Variants in MYH11 observed in about 807,000 individuals in gnomAD.
MYH11 encodes myosin-11.
Under a neutral mutation model 246.6 loss-of-function variants are expected in MYH11, and 80 were observed. The ratio of observed to expected loss-of-function variants is 0.32; its 90% CI spans 0.27 to 0.39. The LOEUF (loss-of-function observed/expected upper bound fraction) is 0.39. Ranked by LOEUF, MYH11 falls within the 10% of genes least tolerant of loss-of-function variation. The pLI is 1.00. For missense variants in MYH11, 2,158 were observed against 2,546.8 expected (o/e 0.85, Z 3.29); for synonymous variants, 1,071 against 1,015.5 (o/e 1.05, Z -1.04).
At chr16:15,769,618 G>A (rs2151289309) in intron 9 of MYH11, among the ~76,000 whole-genome samples, 1 of 152,256 alleles carries the variant, frequency 6.6e-6, no homozygotes, top group South Asian at 2.1e-4. Flanking sequence ...TTGTAGAGAA[G>A]GGATCTTGCC....
intron 28 of MYH11, chr16:15,725,684 A>G (rs1460191895): frequency 5.0e-6 from 2 of 398,816 alleles, no homozygotes; most frequent in African/African-American, 4.1e-5. Flanking sequence ...AAAACATCTC[A>G]CTTAATTCTT....
chr16:15,827,792 C>T (rs1032638012), intron 2 of MYH11, among the ~76,000 whole-genome samples: 3 of 152,200 alleles, frequency 2.0e-5, no homozygotes, highest in African/African-American at 4.8e-5. Flanking sequence ...CCTTGCACGG[C>T]GGCAGTAGGT....
At chr16:15,798,608 TAAAAA>T (rs374559754) in intron 4 of MYH11, 47 bp downstream of exon 4, 5 of 1,036,140 alleles carry the variant, frequency 4.8e-6, no homozygotes, top group Non-Finnish European at 6.4e-6. Flanking sequence ...GACTACAGAT[TAAAAA>T]AAAAAAAAAA....
chr16:15,788,547 AAG>A (rs2042532397), intron 4 of MYH11, among the ~76,000 whole-genome samples: 1 of 152,096 alleles, frequency 6.6e-6, no homozygotes, highest in Non-Finnish European at 1.5e-5. Context: ...AGAAAAAAGA[AAG>A]AGAAAGAAAA....
At chr16:15,806,270 A>ACT in intron 3 of MYH11, among the ~76,000 whole-genome samples, 1 of 116,320 alleles carries the variant, frequency 8.6e-6, no homozygotes, top group Middle Eastern at 5.2e-3. Context: ...GCAGTGAGAC[A>ACT]CTCTGTCTCA....
chr16:15,718,237 G>A (rs528151222), intron 37 of MYH11, 78 bp downstream of exon 37: 67 of 1,598,850 alleles, frequency 4.2e-5, no homozygotes, highest in East Asian at 3.8e-4. Flanking sequence ...AAGCCGCCAC[G>A]CGTGTGTTGA....
chr16:15,846,646 T>G (rs1351796590), intron 1 of MYH11, among the ~76,000 whole-genome samples: 1 of 152,168 alleles, frequency 6.6e-6, no homozygotes, highest in East Asian at 1.9e-4. Flanking sequence ...CCCAGGAGTT[T>G]GAGACCAGCC....
intron 13 of MYH11, among the ~76,000 whole-genome samples, chr16:15,757,545 G>A: frequency 7.0e-6 from 1 of 141,856 alleles, no homozygotes; most frequent in African/African-American, 2.6e-5. Flanking sequence ...CAATGGCAGA[G>A]AAGGAAAGGG....
At chr16:15,776,721 C>T (rs181762033) in intron 7 of MYH11, among the ~76,000 whole-genome samples, 1 of 152,204 alleles carries the variant, frequency 6.6e-6, no homozygotes, top group Non-Finnish European at 1.5e-5. Context: ...GTCTTCCATG[C>T]CCTCTGTTCC....
intron 3 of MYH11, among the ~76,000 whole-genome samples, chr16:15,802,120 A>G (rs1376262751): frequency 6.6e-6 from 1 of 152,218 alleles, no homozygotes; most frequent in Non-Finnish European, 1.5e-5. Context: ...AATGGTCAAT[A>G]GAAAAAGAGT....
chr16:15,753,894 A>G (rs918790914), intron 14 of MYH11, among the ~76,000 whole-genome samples: 1 of 151,942 alleles, frequency 6.6e-6, no homozygotes, highest in Non-Finnish European at 1.5e-5. Context: ...TCATCTTCCC[A>G]ATCATCCTGG....
At chr16:15,704,234 T>C in intron 40 of MYH11, 111 bp from the exon 41 acceptor site, 1 of 1,332,578 alleles carries the variant, frequency 7.5e-7, no homozygotes. Flanking sequence ...CAATATAAAT[T>C]TTTTTTATGG....
chr16:15,844,829 G>A (rs1278959285), intron 1 of MYH11, among the ~76,000 whole-genome samples: 1 of 152,158 alleles, frequency 6.6e-6, no homozygotes, highest in Admixed American at 6.6e-5. Context: ...CAGCCTGGGT[G>A]TCAGGGTGAG....
chr16:15,757,683 G>C, intron 13 of MYH11, 144 bp downstream of exon 13: 2 of 1,020,338 alleles, frequency 2.0e-6, no homozygotes, highest in Non-Finnish European at 3.0e-6. Flanking sequence ...CAAGGATTCA[G>C]CTTACAGCCT....
chr16:15,795,858 T>G (rs2042731758), intron 4 of MYH11, among the ~76,000 whole-genome samples: 1 of 152,190 alleles, frequency 6.6e-6, no homozygotes. Context: ...AGAAGTGAAC[T>G]GACTTATTTC....
intron 38 of MYH11, among the ~76,000 whole-genome samples, chr16:15,716,111 AAAT>A (rs908171644): frequency 2.0e-5 from 3 of 151,922 alleles, no homozygotes; most frequent in Non-Finnish European, 4.4e-5. Context: ...AAAAAAATAA[AAAT>A]AAAAAAGTCT....
At chr16:15,792,738 T>C (rs1018626001) in intron 4 of MYH11, 2 of 152,186 alleles carry the variant, frequency 1.3e-5, no homozygotes, top group South Asian at 4.1e-4. Context: ...TATTGTTATA[T>C]ATATTTTTTG....
At chr16:15,758,033 A>G (rs764004721) in intron 12 of MYH11, 33 bp from the exon 13 acceptor site, 5 of 1,612,488 alleles carry the variant, frequency 3.1e-6, no homozygotes, top group Non-Finnish European at 4.2e-6. Context: ...GGGCGTGAGC[A>G]TCTTGGTATG....
intron 3 of MYH11, among the ~76,000 whole-genome samples, chr16:15,808,706 C>T (rs773155690): frequency 1.3e-5 from 2 of 151,686 alleles, no homozygotes; most frequent in Non-Finnish European, 2.9e-5. Context: ...AGACTCAAAG[C>T]GAGACCCCTA....
Sources: allele counts gnomAD v4.1 joint callset (sites outside exome capture counted in the v4.1 genomes callset), GRCh38; gene constraint gnomAD v4.1.1; transcripts MANE v1.5; gene names NCBI Gene and HGNC (gene_info 2026-07-23, HGNC 2026-07-21).